Variants in EXT1 observed in about 807,000 individuals in gnomAD.
The protein encoded by EXT1 is exostosin-1.
A neutral mutation model predicts 82.5 loss-of-function variants in EXT1; 20 were observed. That is an observed-to-expected ratio of 0.24 (90% CI 0.17 to 0.35). The LOEUF (loss-of-function observed/expected upper bound fraction) is 0.35. Ranked by LOEUF, EXT1 falls within the 10% of genes least tolerant of loss-of-function variation. The probability of loss-of-function intolerance (pLI) is 1.00; values close to 1 mark genes in which losing one functional copy is unlikely to be tolerated. For missense variants in EXT1, 757 were observed against 936.5 expected (o/e 0.81, Z 2.50); for synonymous variants, 348 against 350.8 (o/e 0.99, Z 0.09).
intron 1 of EXT1, among the ~76,000 whole-genome samples, chr8:118,079,721 A>G (rs1330296841): frequency 6.6e-6 from 1 of 150,576 alleles, no homozygotes; most frequent in Admixed American, 6.7e-5. Flanking sequence ...ACCCTAGTCA[A>G]GTTGAATAGC....
intron 1 of EXT1, among the ~76,000 whole-genome samples, chr8:117,998,744 T>A (rs1205132684): frequency 6.6e-6 from 1 of 152,210 alleles, no homozygotes; most frequent in East Asian, 1.9e-4. Context: ...GCTGGGCACT[T>A]GTTACCGAGG....
intron 1 of EXT1, among the ~76,000 whole-genome samples, chr8:118,046,242 G>C (rs1712964503): frequency 6.6e-6 from 1 of 151,496 alleles, no homozygotes; most frequent in African/African-American, 2.4e-5. Flanking sequence ...CCTAATTCTT[G>C]ACTCTGTCAA....
intron 1 of EXT1, among the ~76,000 whole-genome samples, chr8:118,108,325 G>A (rs1388131852): frequency 1.3e-5 from 2 of 152,166 alleles, no homozygotes; most frequent in Non-Finnish European, 2.9e-5. Context: ...TCCTTCCACA[G>A]AATTCTTTGA....
intron 4 of EXT1, among the ~76,000 whole-genome samples, chr8:117,825,283 T>A (rs944093731): frequency 2.6e-4 from 40 of 152,196 alleles, no homozygotes; most frequent in African/African-American, 9.4e-4. Flanking sequence ...TCTAAAAGCA[T>A]AAAGAAATAT....
In EXT1 at chr8:118,000,798, T is replaced by G. The variant is rs151307853; in HGVS notation, c.962+109287A>C. Among the ~76,000 whole-genome samples the G allele has an allele frequency of 5.9e-3, 898 of 152,274 alleles. 7 individuals are homozygous for G. The highest frequency in any genetic ancestry group is 0.021 in the African/African-American group (876 of 41,548). ...CACATCATGGATGTCAGAGTTAGAT[T>G]ATTATCTCCACGAGAGAAAGAAAAG... On this transcript the variant is annotated intron_variant, in intron 1 of 10. Coordinates refer to ENST00000378204, the MANE Select transcript of EXT1 (RefSeq NM_000127.3).
At chr8:117,830,131 C>T (rs1812073864) in intron 4 of EXT1, 99 bp downstream of exon 4, 1 of 1,518,556 alleles carries the variant, frequency 6.6e-7, no homozygotes, top group Non-Finnish European at 9.1e-7. Flanking sequence ...GGTTTTGCCC[C>T]ACTGGACCAA....
At chr8:118,072,708 A>T (rs186223069) in intron 1 of EXT1, among the ~76,000 whole-genome samples, 110 of 152,344 alleles carry the variant, frequency 7.2e-4, no homozygotes, top group Non-Finnish European at 1.4e-3. Flanking sequence ...CCAACATCTT[A>T]GCTTGGCCGT....
At chr8:117,957,721 G>A (rs566378080) in intron 1 of EXT1, among the ~76,000 whole-genome samples, 15 of 152,328 alleles carry the variant, frequency 9.8e-5, no homozygotes, top group Admixed American at 2.6e-4. Flanking sequence ...GCATTCAAAC[G>A]TTTTGTACTT....
At chr8:118,049,969 CT>C (rs1356788490) in intron 1 of EXT1, among the ~76,000 whole-genome samples, 1 of 152,178 alleles carries the variant, frequency 6.6e-6, no homozygotes, top group Non-Finnish European at 1.5e-5. Context: ...AGCAATTTCT[CT>C]GAAGTTCCCC....
At chr8:117,894,553 T>C (rs2129951735) in intron 1 of EXT1, among the ~76,000 whole-genome samples, 1 of 152,262 alleles carries the variant, frequency 6.6e-6, no homozygotes, top group South Asian at 2.1e-4. Context: ...TATCACTTGA[T>C]CCCCCAACAC....
chr8:117,824,454 G>A (rs1372277506), intron 4 of EXT1, among the ~76,000 whole-genome samples: 15 of 152,166 alleles, frequency 9.9e-5, no homozygotes, highest in Non-Finnish European at 1.6e-4. Flanking sequence ...GGACAGGTAC[G>A]AAAGCAGTAG....
chr8:117,959,035 C>T (rs975521244), intron 1 of EXT1, among the ~76,000 whole-genome samples: 1 of 152,218 alleles, frequency 6.6e-6, no homozygotes, highest in Non-Finnish European at 1.5e-5. Context: ...TAACTGCAAT[C>T]ACTAAGGGGC....
intron 1 of EXT1, among the ~76,000 whole-genome samples, chr8:117,891,551 G>A (rs1173957574): frequency 6.6e-6 from 1 of 152,018 alleles, no homozygotes; most frequent in Non-Finnish European, 1.5e-5. Flanking sequence ...TCTAAGTCAG[G>A]AAGACAGAGT....
intron 1 of EXT1, among the ~76,000 whole-genome samples, chr8:118,039,653 G>A (rs1382284621): frequency 1.3e-5 from 2 of 150,576 alleles, no homozygotes; most frequent in Non-Finnish European, 3.0e-5. Flanking sequence ...GAAAATTTTT[G>A]AAGAAAATGC....
chr8:118,074,064 A>G (rs920158761), intron 1 of EXT1, among the ~76,000 whole-genome samples: 1 of 146,342 alleles, frequency 6.8e-6, no homozygotes, highest in African/African-American at 2.5e-5. Flanking sequence ...ATTAAGGAAA[A>G]GGCAAAACCG....
chr8:118,001,365 A>T (rs1209886497), intron 1 of EXT1, among the ~76,000 whole-genome samples: 3 of 151,952 alleles, frequency 2.0e-5, no homozygotes, highest in African/African-American at 7.2e-5. Context: ...TTGTATTTTT[A>T]GTAGAGACGG....
At chr8:118,074,576 A>AG (rs1817170793) in intron 1 of EXT1, among the ~76,000 whole-genome samples, 2 of 109,728 alleles carry the variant, frequency 1.8e-5, no homozygotes, top group African/African-American at 1.2e-4. Flanking sequence ...AGAAGAGAGA[A>AG]AAAAAAAAAA....
At chr8:117,809,235 A>ATATATATATT (rs1284727272) in intron 8 of EXT1, among the ~76,000 whole-genome samples, 1 of 136,112 alleles carries the variant, frequency 7.3e-6, no homozygotes, top group African/African-American at 2.6e-5. Context: ...ATATATATAT[A>ATATATATATT]TATATATATT....
intron 1 of EXT1, among the ~76,000 whole-genome samples, chr8:118,079,604 G>C (rs1047865817): frequency 2.0e-5 from 3 of 152,098 alleles, no homozygotes; most frequent in African/African-American, 7.2e-5. Context: ...TCATCACCAA[G>C]GAGAAACATT....
Sources: gnomAD v4.1 joint callset for allele counts (sites outside exome capture counted in the v4.1 genomes callset) on GRCh38, gnomAD v4.1.1 for gene constraint, MANE v1.5 for transcripts, NCBI Gene and HGNC (gene_info 2026-07-23, HGNC 2026-07-21) for gene names.